Variants in LBR observed in about 807,000 individuals in gnomAD.
LBR encodes delta(14)-sterol reductase LBR.
LBR carries 28 observed loss-of-function variants against 74.3 expected under a neutral mutation model. The ratio of observed to expected loss-of-function variants is 0.38; its 90% CI spans 0.28 to 0.52. The LOEUF is 0.52. Ranked by LOEUF, LBR falls within the 20% of genes least tolerant of loss-of-function variation. The pLI, the probability that LBR is intolerant of heterozygous loss-of-function variation, is 0.89. For missense variants in LBR, 717 were observed against 760.3 expected, an observed-to-expected ratio of 0.94 and a Z score of 0.67; for synonymous variants, 228 against 269.3, an observed-to-expected ratio of 0.85 and a Z score of 1.50.
rs201212744 is a variant in LBR, at chr1:225,406,748, T to A, written c.1399A>T (p.Ile467Phe). 452 of 1,614,076 alleles carry A rather than the reference T, an allele frequency of 2.8e-4. 4 individuals carry two copies. Among genetic ancestry groups the A allele is most frequent in the South Asian group, 2.1e-3 (192 of 91,072 alleles). The stretch of plus-strand genomic sequence containing the variant: ...AAATAAAAGGCTTGGAAGCTGTAAA[T>A]AAAGGGAACCCACACCAAGTCTCCA... ...AFGDLVWVPF[I>F]YSFQAFYLVS... The change falls in exon 11 of 14, where the codon ATT becomes TTT. Residue 467 changes from isoleucine (I) to phenylalanine (F), a missense_variant. By Grantham distance (21) the Ile-to-Phe change is conservative. Coordinates refer to ENST00000272163, the MANE Select transcript of LBR (RefSeq NM_002296.4).
chr1:225,423,302 G>T (rs1332737374), intron 2 of LBR, among the ~76,000 whole-genome samples: 1 of 152,112 alleles, frequency 6.6e-6, no homozygotes, highest in East Asian at 1.9e-4. Flanking sequence ...GCCCTCACCA[G>T]ACAGGTTGAA....
chr1:225,423,803 C>T, intron 2 of LBR, 108 bp downstream of exon 2: 4 of 1,054,320 alleles, frequency 3.8e-6, no homozygotes, highest in Non-Finnish European at 5.9e-6. Context: ...GAGCTCAATC[C>T]TCTGCCTTCA....
intron 1 of LBR, 131 bp from the exon 2 acceptor site, chr1:225,424,220 A>G: frequency 1.3e-6 from 1 of 759,184 alleles, no homozygotes; most frequent in South Asian, 1.5e-5. Flanking sequence ...CAGAAAGGCT[A>G]CATTCAATCT....
intron 2 of LBR, among the ~76,000 whole-genome samples, chr1:225,423,077 G>A (rs186481965): frequency 6.6e-6 from 1 of 152,258 alleles, no homozygotes; most frequent in Admixed American, 6.5e-5. Context: ...ATGGGTCCTA[G>A]AAATGCTCGT....
chr1:225,427,758 C>G (rs1234380789), intron 1 of LBR, 196 bp downstream of exon 1: 3 of 152,600 alleles, frequency 2.0e-5, no homozygotes, highest in Non-Finnish European at 2.9e-5. Flanking sequence ...CCGCCCCGAC[C>G]ACCCGACTGG....
rs113545537 is a variant in LBR, at chr1:225,408,784, G to A, written c.1314+1507C>T. On this transcript the variant is annotated intron_variant, in intron 10 of 13. Coordinates refer to ENST00000272163, the MANE Select transcript of LBR (RefSeq NM_002296.4). The stretch of plus-strand genomic sequence containing the variant: ...GGGCTATGTTAATATTGCATTAAGC[G>A]TTTTGCCTTAAGATGCAAAAAATTT... 1.8e-3 allele frequency among the ~76,000 whole-genome samples: 276 copies of A among 152,330 alleles called. 1 individual carries two copies. Among genetic ancestry groups the A allele is most frequent in the African/African-American group, 6.0e-3 (251 of 41,562 alleles).
intron 10 of LBR, among the ~76,000 whole-genome samples, chr1:225,408,883 C>T (rs376439727): frequency 4.8e-4 from 73 of 152,294 alleles, no homozygotes; most frequent in African/African-American, 1.6e-3. Context: ...AAAGTGACAA[C>T]CACAACATGG....
chr1:225,418,279 C>T (rs956332152), intron 5 of LBR, 99 bp from the exon 6 acceptor site: 59 of 1,317,970 alleles, frequency 4.5e-5, no homozygotes, highest in Admixed American at 5.9e-5. Flanking sequence ...CGTTATCTGG[C>T]TAACTGTCTG....
chr1:225,411,034 A>G (rs577185644), intron 9 of LBR, among the ~76,000 whole-genome samples: 1 of 152,338 alleles, frequency 6.6e-6, no homozygotes, highest in South Asian at 2.1e-4. Flanking sequence ...TAAAATTTAA[A>G]AAGGAGGAAA....
chr1:225,404,280 C>T, intron 13 of LBR, 124 bp downstream of exon 13: 1 of 1,331,010 alleles, frequency 7.5e-7, no homozygotes, highest in Non-Finnish European at 1.1e-6. Context: ...GCCAACCTCA[C>T]AGTAGAAAAG....
At chr1:225,422,369 T>C (rs1207974566) in intron 2 of LBR, 92 bp from the exon 3 acceptor site, 1 of 1,001,204 alleles carries the variant, frequency 1.0e-6, no homozygotes, top group Non-Finnish European at 1.5e-6. Flanking sequence ...AGGCAGGAAC[T>C]GCTACCATTA....
intron 5 of LBR, 84 bp downstream of exon 5, chr1:225,419,179 C>G: frequency 2.3e-6 from 3 of 1,310,072 alleles, no homozygotes; most frequent in South Asian, 1.2e-5. Context: ...CAGATGTCTT[C>G]AGAGAGGCCT....
In LBR at chr1:225,406,718, T is replaced by C. The variant is rs376070025; in HGVS notation, c.1429A>G (p.Ser477Gly). The change falls in exon 11 of 14, where the codon AGT (serine) becomes GGT (glycine). Residue 477 changes from serine to glycine, a missense_variant. Ser to Gly is a moderately conservative substitution (Grantham distance 56). Transcript: ENST00000272163. ...IYSFQAFYLV[S>G]HPNEVSWPMA... ...GGCCAAGACACTTCATTTGGATGAC[T>C]GACTAAATAAAAGGCTTGGAAGCTG... 1.5e-5 allele frequency: 24 copies of C among 1,613,726 alleles called. No homozygotes were observed. Among genetic ancestry groups the C allele is most frequent in the Non-Finnish European group, 2.0e-5 (24 of 1,179,922 alleles).
At chr1:225,426,423 T>A (rs979250400) in intron 1 of LBR, among the ~76,000 whole-genome samples, 13 of 152,260 alleles carry the variant, frequency 8.5e-5, no homozygotes, top group African/African-American at 2.6e-4. Flanking sequence ...TAAAGAAAAA[T>A]TTTGTTCACT....
intron 1 of LBR, among the ~76,000 whole-genome samples, chr1:225,425,283 G>A (rs961867000): frequency 8.5e-5 from 13 of 152,126 alleles, no homozygotes; most frequent in African/African-American, 2.9e-4. Flanking sequence ...ACTGTTAATC[G>A]TCTGTGAAAA....
At chr1:225,407,729 T>C (rs1052638350) in intron 10 of LBR, among the ~76,000 whole-genome samples, 14 of 152,174 alleles carry the variant, frequency 9.2e-5, no homozygotes, top group African/African-American at 2.7e-4. Context: ...ATCAAAGTTC[T>C]AGGTTAAAGA....
intron 7 of LBR, chr1:225,414,199 G>A (rs1279155735): frequency 4.4e-6 from 2 of 451,338 alleles, no homozygotes; most frequent in Admixed American, 4.7e-5. Context: ...CTCTGGAGCT[G>A]GGGGAGACGT....
chr1:225,417,204 A>C (rs183794277), intron 6 of LBR, among the ~76,000 whole-genome samples: 10 of 152,314 alleles, frequency 6.6e-5, no homozygotes, highest in Non-Finnish European at 1.5e-5. Flanking sequence ...GTCTCACTCC[A>C]CAGTATTAAG....
chr1:225,413,885 C>T (rs1397765436), intron 7 of LBR: 4 of 452,652 alleles, frequency 8.8e-6, no homozygotes, highest in African/African-American at 6.0e-5. Flanking sequence ...TGTCCAAGTG[C>T]TGTGCTCAGT....
Sources: gnomAD v4.1 joint callset for allele counts (sites outside exome capture counted in the v4.1 genomes callset) on GRCh38, gnomAD v4.1.1 for gene constraint, MANE v1.5 for transcripts, NCBI Gene and HGNC (gene_info 2026-07-23, HGNC 2026-07-21) for gene names.